Variants in MAF observed in about 807,000 individuals in gnomAD.
MAF encodes transcription factor Maf.
In MAF, 10 loss-of-function variants were observed where a neutral mutation model predicts 22.0. The observed-to-expected ratio is 0.45, with a 90% confidence interval of 0.28 to 0.77. MAF has a LOEUF of 0.77. Ranked by LOEUF, MAF falls within the 30% of genes least tolerant of loss-of-function variation. MAF has a pLI of 0.12. For missense variants in MAF, 544 were observed against 548.4 expected (o/e 0.99, Z 0.08); for synonymous variants, 337 against 255.8 (o/e 1.32, Z -3.03).
At chr16:79,338,329 A>T in the MAF span, among the ~76,000 whole-genome samples, 1 of 152,216 alleles carries the variant, frequency 6.6e-6, no homozygotes, top group African/African-American at 2.4e-5. Context: ...TCACAGAGTG[A>T]GATCTCTACC....
the MAF span, among the ~76,000 whole-genome samples, chr16:79,414,880 T>G: frequency 6.6e-6 from 1 of 152,250 alleles, no homozygotes; most frequent in East Asian, 1.9e-4. Context: ...GTTCATGTGT[T>G]GTCTTAGCAT....
Position 79,600,010 on chromosome 16 carries a change from G to T in MAF, c.-108C>A. 6.6e-7 allele frequency: 1 copy of T among 1,511,234 alleles called. No individual in the cohort carries two copies. The highest frequency in any genetic ancestry group is 9.0e-7 in the Non-Finnish European group (1 of 1,112,982). 93.6% of individuals were successfully genotyped at this position (1,511,234 alleles called of 1,614,324 possible). ...AGCGGGTGAGCCAGCTTGCCGGGCTGGGGCGCTTCTAGCTTGCGCGGCGGT... is the reference window on the plus strand; with the variant it reads ...AGCGGGTGAGCCAGCTTGCCGGGCTTGGGCGCTTCTAGCTTGCGCGGCGGT... On this transcript the variant is annotated 5_prime_UTR_variant, in exon 1 of 2. Coordinates refer to ENST00000326043, the MANE Select transcript of MAF (RefSeq NM_005360.5).
the MAF span, among the ~76,000 whole-genome samples, chr16:79,237,565 T>G: frequency 6.6e-6 from 1 of 152,028 alleles, no homozygotes; most frequent in Non-Finnish European, 1.5e-5. Flanking sequence ...CTCCTGGCCT[T>G]TCAGAGTATG....
downstream of MAF, chr16:79,593,826 A>T (rs971228380): frequency 7.8e-5 from 14 of 179,830 alleles, no homozygotes; most frequent in Non-Finnish European, 1.2e-4. Context: ...GCAAAAAATC[A>T]CACAGAGGGT....
chr16:79,360,281 C>T, the MAF span, among the ~76,000 whole-genome samples: 1 of 152,218 alleles, frequency 6.6e-6, no homozygotes, highest in Non-Finnish European at 1.5e-5. Flanking sequence ...CCTGTCTCTG[C>T]TCTCCTGGGG....
At chr16:79,410,634 T>A in the MAF span, among the ~76,000 whole-genome samples, 1 of 152,158 alleles carries the variant, frequency 6.6e-6, no homozygotes, top group East Asian at 1.9e-4. Context: ...ACCAGTAACA[T>A]GCATGGCTGT....
At chr16:79,475,321 C>CAT in the MAF span, among the ~76,000 whole-genome samples, 3 of 147,708 alleles carry the variant, frequency 2.0e-5, no homozygotes, top group Non-Finnish European at 3.0e-5. Flanking sequence ...TATATATGTG[C>CAT]ATATATATAT....
chr16:79,400,710 G>T, the MAF span, among the ~76,000 whole-genome samples: 2 of 152,256 alleles, frequency 1.3e-5, no homozygotes, highest in Non-Finnish European at 2.9e-5. Context: ...ATCTCTGCCT[G>T]CAAGGCGATT....
At chr16:79,420,983 G>C in the MAF span, among the ~76,000 whole-genome samples, 1 of 151,548 alleles carries the variant, frequency 6.6e-6, no homozygotes, top group Non-Finnish European at 1.5e-5. Context: ...GCAGTGAGCT[G>C]AGATCGCACC....
At chr16:79,449,253 C>G in the MAF span, among the ~76,000 whole-genome samples, 2 of 152,244 alleles carry the variant, frequency 1.3e-5, no homozygotes, top group African/African-American at 2.4e-5. Flanking sequence ...CACTTGCCCA[C>G]TTGCCCTCTT....
the MAF span, among the ~76,000 whole-genome samples, chr16:79,529,152 T>C: frequency 6.6e-6 from 1 of 152,204 alleles, no homozygotes; most frequent in Non-Finnish European, 1.5e-5. Flanking sequence ...GATTGGGATG[T>C]GGGAAATTAC....
the MAF span, among the ~76,000 whole-genome samples, chr16:79,316,580 A>C: frequency 6.6e-6 from 1 of 152,142 alleles, no homozygotes; most frequent in Non-Finnish European, 1.5e-5. Flanking sequence ...CCCAAAGATC[A>C]CTGGAAGGTG....
downstream of MAF, among the ~76,000 whole-genome samples, chr16:79,591,964 A>G (rs1913213813): frequency 6.6e-6 from 1 of 152,228 alleles, no homozygotes; most frequent in Non-Finnish European, 1.5e-5. Flanking sequence ...ACATGTGAAC[A>G]TATTTTAAAG....
chr16:79,518,272 T>G, the MAF span, among the ~76,000 whole-genome samples: 1 of 152,206 alleles, frequency 6.6e-6, no homozygotes, highest in African/African-American at 2.4e-5. Context: ...TGCATGATAC[T>G]GGCAAAGACA....
chr16:79,459,054 A>G, the MAF span, among the ~76,000 whole-genome samples: 1 of 152,210 alleles, frequency 6.6e-6, no homozygotes, highest in Non-Finnish European at 1.5e-5. Context: ...TACTGAGCTA[A>G]GTGCTTCATG....
chr16:79,467,216 A>G, the MAF span, among the ~76,000 whole-genome samples: 1 of 151,994 alleles, frequency 6.6e-6, no homozygotes, highest in South Asian at 2.1e-4. Context: ...ATTCCAGCTC[A>G]ATTTCATTAG....
At chr16:79,448,447 G>A in the MAF span, among the ~76,000 whole-genome samples, 119,557 of 150,792 alleles carry the variant, frequency 0.79, 48,249 homozygotes, top group East Asian at 0.98. Flanking sequence ...TGTTTTTGAG[G>A]AGGAGTCTTG....
the MAF span, among the ~76,000 whole-genome samples, chr16:79,361,477 G>A: frequency 6.6e-6 from 1 of 152,138 alleles, no homozygotes; most frequent in African/African-American, 2.4e-5. Context: ...AACATAGCAG[G>A]TTAACCTCTA....
the MAF span, among the ~76,000 whole-genome samples, chr16:79,258,064 C>G: frequency 6.6e-6 from 1 of 152,194 alleles, no homozygotes; most frequent in African/African-American, 2.4e-5. Context: ...CGCGTCTCAG[C>G]TGCTTTGCGT....
Sources: allele counts gnomAD v4.1 joint callset (sites outside exome capture counted in the v4.1 genomes callset), GRCh38; gene constraint gnomAD v4.1.1; transcripts MANE v1.5; gene names NCBI Gene and HGNC (gene_info 2026-07-23, HGNC 2026-07-21).